The following CDIN1 variants were observed in gnomAD, a reference collection of about 807,000 sequenced individuals.
CDIN1 encodes CDAN1-interacting nuclease 1.
CDIN1 carries 33 observed loss-of-function variants against 45.3 expected under a neutral mutation model. That is an observed-to-expected ratio of 0.73 (90% CI 0.55 to 0.97). The LOEUF is 0.97. Ranked by LOEUF, CDIN1 falls within the 50% of genes least tolerant of loss-of-function variation. The pLI is 0.00. For synonymous variants in CDIN1, 118 were observed against 124.4 expected, an observed-to-expected ratio of 0.95 and a Z score of 0.34; for missense variants, 303 against 339.4, an observed-to-expected ratio of 0.89 and a Z score of 0.84.
At chr15:36,632,642 T>G (rs2039727706) in intron 1 of CDIN1, among the ~76,000 whole-genome samples, 1 of 152,232 alleles carries the variant, frequency 6.6e-6, no homozygotes, top group Non-Finnish European at 1.5e-5. Context: ...ATGCATGTTA[T>G]AAGTGTGTAC....
intron 10 of CDIN1, among the ~76,000 whole-genome samples, chr15:36,778,438 A>G (rs1054402752): frequency 6.6e-6 from 1 of 152,222 alleles, no homozygotes; most frequent in East Asian, 1.9e-4. Flanking sequence ...CCTTTAATCT[A>G]AAGTATTTTA....
chr15:36,622,375 G>T (rs541811767), intron 1 of CDIN1, among the ~76,000 whole-genome samples: 1 of 152,106 alleles, frequency 6.6e-6, no homozygotes, highest in Non-Finnish European at 1.5e-5. Context: ...ACCCAAGCAG[G>T]TGTCTCATTG....
chr15:36,589,671 A>C (rs575568028), intron 1 of CDIN1, among the ~76,000 whole-genome samples: 67 of 152,104 alleles, frequency 4.4e-4, no homozygotes, highest in Non-Finnish European at 8.7e-4. Flanking sequence ...ACGCCCGGCT[A>C]ATTTTTGTAT....
intron 5 of CDIN1, among the ~76,000 whole-genome samples, chr15:36,670,446 T>A (rs2041409951): frequency 6.6e-6 from 1 of 152,162 alleles, no homozygotes; most frequent in Non-Finnish European, 1.5e-5. Flanking sequence ...ACAAATCTAT[T>A]ATATTTATTA....
chr15:36,581,711 C>T (rs1005264266), intron 1 of CDIN1, among the ~76,000 whole-genome samples: 3 of 152,062 alleles, frequency 2.0e-5, no homozygotes, highest in African/African-American at 7.2e-5. Flanking sequence ...AACCCCGTCT[C>T]TAATAAAAAT....
chr15:36,678,468 C>T, intron 5 of CDIN1, among the ~76,000 whole-genome samples: 1 of 152,092 alleles, frequency 6.6e-6, no homozygotes, highest in East Asian at 1.9e-4. Flanking sequence ...TCCTGGTGTA[C>T]CTTGGGAGTA....
chr15:36,649,781 A>G (rs1000510181), intron 3 of CDIN1, among the ~76,000 whole-genome samples: 1 of 152,216 alleles, frequency 6.6e-6, no homozygotes, highest in Non-Finnish European at 1.5e-5. Flanking sequence ...TGGAACTCCC[A>G]CAGCACTCTG....
At chr15:36,587,666 G>A (rs2037370235) in intron 1 of CDIN1, among the ~76,000 whole-genome samples, 1 of 152,094 alleles carries the variant, frequency 6.6e-6, no homozygotes, top group Admixed American at 6.5e-5. Flanking sequence ...CATTTAAGAT[G>A]CCTGCTCTTT....
intron 8 of CDIN1, among the ~76,000 whole-genome samples, chr15:36,703,041 C>G (rs8030684): frequency 6.8e-6 from 1 of 147,676 alleles, no homozygotes; most frequent in African/African-American, 2.5e-5. Flanking sequence ...CGCCACTCCC[C>G]CAACGTCCAC....
intron 10 of CDIN1, among the ~76,000 whole-genome samples, chr15:36,765,462 A>G (rs1030340918): frequency 1.3e-5 from 2 of 152,188 alleles, no homozygotes; most frequent in African/African-American, 4.8e-5. Context: ...CCAACACGGT[A>G]GGTGAGATGT....
At chr15:36,588,200 CTTT>C (rs909572279) in intron 1 of CDIN1, among the ~76,000 whole-genome samples, 10 of 152,102 alleles carry the variant, frequency 6.6e-5, no homozygotes, top group African/African-American at 2.2e-4. Flanking sequence ...ACAGAAACTT[CTTT>C]AAGTATTTCA....
At chr15:36,662,929 A>AAAATGCTCCAATGAGCATTTCCTTTG (rs2041079398) in intron 5 of CDIN1, among the ~76,000 whole-genome samples, 2 of 146,384 alleles carry the variant, frequency 1.4e-5, no homozygotes, top group East Asian at 2.0e-4. Flanking sequence ...TCCAAAATCC[A>AAAATGCTCCAATGAGCATTTCCTTTG]AAATGCTCCA....
chr15:36,647,953 G>C (rs1459060230), intron 3 of CDIN1, among the ~76,000 whole-genome samples: 4 of 151,546 alleles, frequency 2.6e-5, no homozygotes, highest in Non-Finnish European at 5.9e-5. Flanking sequence ...CATTCTCCTG[G>C]CTCAGCCTCC....
intron 3 of CDIN1, chr15:36,647,734 A>G (rs924172698): frequency 6.6e-6 from 1 of 151,438 alleles, no homozygotes; most frequent in Non-Finnish European, 1.5e-5. Flanking sequence ...GTTATATCAA[A>G]ATATATTTAA....
At chr15:36,589,451 A>G (rs1306878470) in intron 1 of CDIN1, among the ~76,000 whole-genome samples, 1 of 152,098 alleles carries the variant, frequency 6.6e-6, no homozygotes, top group Non-Finnish European at 1.5e-5. Flanking sequence ...TATACAGTGA[A>G]TACATTTAAG....
At position 36,635,938 on chromosome 15, in the gene CDIN1, A is replaced by G. The variant is rs577245711; in HGVS notation, c.102-8340A>G. 2.0e-5 allele frequency among the ~76,000 whole-genome samples: 3 copies of G among 152,294 alleles called. No homozygotes were observed. In the East Asian group the frequency reaches 5.8e-4, roughly 29 times the overall value. On this transcript the variant is annotated intron_variant, in intron 1 of 10. Transcript: ENST00000566621. ...ACATACAATAACAAAAGGGTGGAAC[A>G]TATGAAGAGAAACTAAGAAACAGAG...
At chr15:36,667,342 A>C (rs756794799) in intron 5 of CDIN1, among the ~76,000 whole-genome samples, 2 of 152,218 alleles carry the variant, frequency 1.3e-5, no homozygotes, top group Admixed American at 6.6e-5. Flanking sequence ...GAGCCTTAAC[A>C]TGTAAGTGCT....
chr15:36,660,429 A>C (rs192282214), intron 5 of CDIN1, among the ~76,000 whole-genome samples: 131 of 152,262 alleles, frequency 8.6e-4, no homozygotes, highest in African/African-American at 3.0e-3. Context: ...ATTTACTATT[A>C]CTTTCATTAG....
chr15:36,679,000 G>A (rs1411278486), intron 5 of CDIN1, among the ~76,000 whole-genome samples: 1 of 152,176 alleles, frequency 6.6e-6, no homozygotes, highest in East Asian at 1.9e-4. Flanking sequence ...CCCTTAGCTG[G>A]GGGAAAATTC....
Sources: gnomAD v4.1 joint callset for allele counts (sites outside exome capture counted in the v4.1 genomes callset) on GRCh38, gnomAD v4.1.1 for gene constraint, MANE v1.5 for transcripts, NCBI Gene and HGNC (gene_info 2026-07-23, HGNC 2026-07-21) for gene names.